The following MKRN2OS variants were observed in gnomAD, a reference collection of about 807,000 sequenced individuals.
MKRN2OS encodes MKRN2 opposite strand protein.
A neutral mutation model predicts 18.2 loss-of-function variants in MKRN2OS; 17 were observed. The observed-to-expected ratio is 0.93, with a 90% CI of 0.64 to 1.40. MKRN2OS has a LOEUF of 1.40. Among genes scored for constraint, MKRN2OS ranks in the 40% most tolerant of loss-of-function variants. The pLI, the probability that MKRN2OS is intolerant of heterozygous loss-of-function variation, is 0.00. For synonymous variants in MKRN2OS, 121 were observed against 108.5 expected (o/e 1.12, Z -0.72); for missense variants, 337 against 283.0 (o/e 1.19, Z -1.37).
intron 1 of MKRN2OS, among the ~76,000 whole-genome samples, chr3:12,558,440 T>A (rs1388812098): frequency 6.6e-6 from 1 of 152,176 alleles, no homozygotes; most frequent in Non-Finnish European, 1.5e-5. Flanking sequence ...GCTTGTAGCC[T>A]CCTAGAAAAA....
downstream of MKRN2OS, among the ~76,000 whole-genome samples, chr3:12,552,163 C>A (rs1163618530): frequency 1.3e-5 from 2 of 151,394 alleles, no homozygotes; most frequent in Non-Finnish European, 2.9e-5. Flanking sequence ...ACTAAAAATA[C>A]AAAAAATTAG....
chr3:12,540,217 G>T lies in MKRN2OS; in HGVS notation c.648C>A (p.Pro216=). The part of the protein sequence containing the change: ...VTDCPQQQAQ[P]PEGGGLC ...CTCAGCACAAACCGCCGCCCTCAGG[G>T]GGTTGTGCCTGCTGCTGGGGACAGT... Residue 216 remains proline (P), a synonymous_variant, in exon 4 of 4, where the codon CCC becomes CCA. Coordinates refer to ENST00000564146, the MANE Select transcript of MKRN2OS (RefSeq NM_001195279.2). 1 of 1,536,142 alleles carries T rather than the reference G, an allele frequency of 6.5e-7. No homozygotes were observed. The highest frequency in any genetic ancestry group is 8.7e-7 in the Non-Finnish European group (1 of 1,146,910).
At chr3:12,552,356 T>TCC (rs746031848), downstream of MKRN2OS, among the ~76,000 whole-genome samples, 40 of 151,094 alleles carry the variant, frequency 2.6e-4, no homozygotes, top group Non-Finnish European at 4.7e-4. Context: ...AACAATGAAA[T>TCC]CTGAATAGCT....
At position 12,540,232 on chromosome 3, in the gene MKRN2OS, C is replaced by T. The variant is rs536691579; in HGVS notation, c.633G>A (p.Gln211=). ...EHGFYVTDCP[Q]QQAQPPEGGG... ...CGCCCTCAGGGGGTTGTGCCTGCTGCTGGGGACAGTCAGTGACGTAGAAGC... is the reference window on the plus strand; with the variant it reads ...CGCCCTCAGGGGGTTGTGCCTGCTGTTGGGGACAGTCAGTGACGTAGAAGC... Residue 211 remains glutamine, a synonymous_variant, in exon 4 of 4, where the codon CAG becomes CAA. Transcript: ENST00000564146. 2.0e-6 allele frequency: 3 copies of T among 1,536,164 alleles called. No individual in the cohort carries two copies. The East Asian group carries it at 7.3e-5, about 38-fold the overall frequency.
At chr3:12,547,380 C>CA (rs1306473453), upstream of MKRN2OS, among the ~76,000 whole-genome samples, 3 of 151,792 alleles carry the variant, frequency 2.0e-5, no homozygotes, top group African/African-American at 7.3e-5. Flanking sequence ...TTCATCTCTA[C>CA]AAAAAATACA....
upstream of MKRN2OS, among the ~76,000 whole-genome samples, chr3:12,547,773 A>G (rs575379407): frequency 5.8e-4 from 88 of 152,318 alleles, no homozygotes; most frequent in African/African-American, 2.0e-3. Context: ...CATGGCAGGT[A>G]AAGGCACTTC....
At chr3:12,557,763 G>C (rs2057992844) in intron 1 of MKRN2OS, among the ~76,000 whole-genome samples, 1 of 152,230 alleles carries the variant, frequency 6.6e-6, no homozygotes, top group South Asian at 2.1e-4. Context: ...AGACTTCACA[G>C]TAAGACAACT....
chr3:12,545,221 A>G (rs769965242), intron 1 of MKRN2OS, 26 bp downstream of exon 1: 22 of 1,489,544 alleles, frequency 1.5e-5, no homozygotes, highest in South Asian at 1.1e-4. Context: ...GCACAATGCA[A>G]TTTAACACTG....
At chr3:12,557,158 C>A in intron 1 of MKRN2OS, 1 of 1,535,126 alleles carries the variant, frequency 6.5e-7, no homozygotes, top group Non-Finnish European at 8.7e-7. Context: ...ACCATGAGCA[C>A]CAAGCAGATC....
downstream of MKRN2OS, among the ~76,000 whole-genome samples, chr3:12,553,512 G>T (rs1359132939): frequency 6.6e-6 from 1 of 151,750 alleles, no homozygotes; most frequent in Non-Finnish European, 1.5e-5. Flanking sequence ...TCTTAATTTG[G>T]CAATGGATAG....
chr3:12,549,145 G>C (rs1024054268), upstream of MKRN2OS, among the ~76,000 whole-genome samples: 1 of 152,120 alleles, frequency 6.6e-6, no homozygotes, highest in Non-Finnish European at 1.5e-5. Flanking sequence ...TATTCTAATA[G>C]AGTTGGCCAG....
In MKRN2OS at chr3:12,545,347, T is replaced by C. The variant is rs753018686; in HGVS notation, c.118A>G (p.Lys40Glu). 5 of 1,536,134 alleles carry C rather than the reference T, an allele frequency of 3.3e-6. No homozygotes were observed. In the South Asian group the frequency reaches 5.9e-5, roughly 18 times the overall value. ...ATGCTAACAGGTGCGTCCTCCAGCT[T>C]CCTCGAGCCCAGGTCCTGCTGGCAG... ...PLCQQDLGSR[K>E]LEDAPVSIAN... The change falls in exon 1 of 4, where the codon AAG becomes GAG. Residue 40 changes from lysine (K) to glutamate (E), a missense_variant. Physicochemically the swap from Lys to Glu is moderately conservative, Grantham distance 56. Coordinates refer to ENST00000564146, the MANE Select transcript of MKRN2OS (RefSeq NM_001195279.2).
At chr3:12,545,809 CTTAT>C (rs1260466903), upstream of MKRN2OS, among the ~76,000 whole-genome samples, 5 of 152,082 alleles carry the variant, frequency 3.3e-5, no homozygotes, top group Non-Finnish European at 7.4e-5. Context: ...CGTCAGAACT[CTTAT>C]TTATTTATTT....
At chr3:12,546,858 G>T (rs938655671), upstream of MKRN2OS, among the ~76,000 whole-genome samples, 1 of 152,160 alleles carries the variant, frequency 6.6e-6, no homozygotes, top group South Asian at 2.1e-4. Context: ...GATTACAGGC[G>T]TGAGCCACCG....
intron 1 of MKRN2OS, chr3:12,554,137 A>G (rs2057948802): frequency 6.6e-6 from 1 of 152,076 alleles, no homozygotes; most frequent in African/African-American, 2.4e-5. Context: ...TGCTTTTCCT[A>G]AGGGGCGAGA....
intron 2 of MKRN2OS, among the ~76,000 whole-genome samples, chr3:12,542,840 C>T (rs1180157155): frequency 1.3e-5 from 2 of 152,042 alleles, no homozygotes; most frequent in African/African-American, 2.4e-5. Flanking sequence ...GGCCTGGTTC[C>T]AAATTCTGCT....
At chr3:12,557,066 G>T (rs563752796) in intron 1 of MKRN2OS, 2 of 1,311,726 alleles carry the variant, frequency 1.5e-6, no homozygotes, top group Non-Finnish European at 9.7e-7. Context: ...GCGGCTACGC[G>T]GGATGGGCCG....
intron 1 of MKRN2OS, among the ~76,000 whole-genome samples, chr3:12,556,768 T>C (rs1032987463): frequency 1.4e-5 from 2 of 143,166 alleles, no homozygotes; most frequent in Non-Finnish European, 3.1e-5. Context: ...TCCCCAGGAG[T>C]GGTGAAGTGC....
At chr3:12,552,397 A>AT (rs947992368), downstream of MKRN2OS, among the ~76,000 whole-genome samples, 34 of 144,958 alleles carry the variant, frequency 2.3e-4, no homozygotes, top group Admixed American at 2.4e-3. Context: ...AGATATTTTA[A>AT]TTTTTTTTAA....
Sources: gnomAD v4.1 joint callset for allele counts (sites outside exome capture counted in the v4.1 genomes callset) on GRCh38, gnomAD v4.1.1 for gene constraint, MANE v1.5 for transcripts, NCBI Gene and HGNC (gene_info 2026-07-23, HGNC 2026-07-21) for gene names.